The following MNAT1 variants were observed in gnomAD, a reference collection of about 807,000 sequenced individuals.
MNAT1 encodes the protein MNAT1 component of CDK activating kinase, also known as CDK-activating kinase assembly factor MAT1.
A neutral mutation model predicts 42.0 loss-of-function variants in MNAT1; 43 were observed. The observed-to-expected ratio is 1.02, with a 90% confidence interval of 0.80 to 1.32. The LOEUF is 1.32. Ranked by LOEUF, MNAT1 falls within the 40% of genes most tolerant of loss-of-function variation. The probability of loss-of-function intolerance (pLI) is 0.00; values close to 1 mark genes in which losing one functional copy is unlikely to be tolerated. For missense variants in MNAT1, 306 were observed against 350.4 expected (o/e 0.87, Z 1.01); for synonymous variants, 118 against 120.0 (o/e 0.98, Z 0.11).
intron 1 of MNAT1, among the ~76,000 whole-genome samples, chr14:60,756,604 A>G (rs1015222611): frequency 5.3e-5 from 8 of 152,326 alleles, no homozygotes; most frequent in Non-Finnish European, 1.2e-4. Context: ...ACTTCTGCCA[A>G]CTGGAAATCA....
chr14:60,963,878 T>C (rs1372567888), intron 7 of MNAT1, among the ~76,000 whole-genome samples: 1 of 152,220 alleles, frequency 6.6e-6, no homozygotes, highest in Non-Finnish European at 1.5e-5. Flanking sequence ...CAAGCCAGTG[T>C]GCTTTAAGGA....
At chr14:60,766,726 T>G (rs1055049387) in intron 1 of MNAT1, among the ~76,000 whole-genome samples, 3 of 152,188 alleles carry the variant, frequency 2.0e-5, no homozygotes, top group African/African-American at 7.2e-5. Context: ...ACAAAAATCT[T>G]TTTGAGAAAC....
chr14:60,901,013 C>CAAAAAAAA (rs56345746), intron 7 of MNAT1, among the ~76,000 whole-genome samples: 1 of 36,558 alleles, frequency 2.7e-5, no homozygotes, highest in African/African-American at 1.2e-4. Flanking sequence ...GAGCCTGTCT[C>CAAAAAAAA]AAAAAAAAAA....
chr14:60,859,621 CACT>C (rs1462543144), intron 6 of MNAT1, among the ~76,000 whole-genome samples: 1 of 152,126 alleles, frequency 6.6e-6, no homozygotes, highest in African/African-American at 2.4e-5. Flanking sequence ...TCTTTAAACG[CACT>C]ACTGTTTTTT....
chr14:60,791,889 T>G (rs536682362), intron 1 of MNAT1, among the ~76,000 whole-genome samples: 83 of 152,288 alleles, frequency 5.5e-4, no homozygotes, highest in African/African-American at 1.7e-3. Flanking sequence ...AATTCCAGTT[T>G]AATTCCCACT....
At chr14:60,845,954 A>G (rs1005346731) in intron 6 of MNAT1, among the ~76,000 whole-genome samples, 2 of 151,874 alleles carry the variant, frequency 1.3e-5, no homozygotes, top group Non-Finnish European at 2.9e-5. Context: ...CATTGGTATT[A>G]TTTTTTCTTG....
At chr14:60,942,298 A>G (rs1181158201) in intron 7 of MNAT1, among the ~76,000 whole-genome samples, 1 of 152,160 alleles carries the variant, frequency 6.6e-6, no homozygotes, top group Non-Finnish European at 1.5e-5. Context: ...AAAACTTGTC[A>G]TTCTGGACTT....
intron 6 of MNAT1, among the ~76,000 whole-genome samples, chr14:60,845,511 C>T (rs534914741): frequency 1.3e-5 from 2 of 151,800 alleles, no homozygotes; most frequent in African/African-American, 4.8e-5. Context: ...GTCACTGAAC[C>T]GGTTTTTTCT....
At chr14:60,936,153 C>T (rs956446615) in intron 7 of MNAT1, among the ~76,000 whole-genome samples, 2 of 152,142 alleles carry the variant, frequency 1.3e-5, no homozygotes, top group Non-Finnish European at 2.9e-5. Flanking sequence ...CAGGTTCCCT[C>T]ATCTGCACGA....
chr14:60,738,492 G>T (rs1398450569), intron 1 of MNAT1, among the ~76,000 whole-genome samples: 13 of 152,048 alleles, frequency 8.5e-5, no homozygotes, highest in Admixed American at 8.5e-4. Flanking sequence ...CTGACTTCGT[G>T]ATCCAGCCGC....
At chr14:60,777,638 C>T (rs1199183429) in intron 1 of MNAT1, among the ~76,000 whole-genome samples, 3 of 151,992 alleles carry the variant, frequency 2.0e-5, no homozygotes. Flanking sequence ...TTAGTCCCCC[C>T]ATTCTCATTC....
At chr14:60,821,089 C>T (rs561480073) in intron 6 of MNAT1, among the ~76,000 whole-genome samples, 26 of 152,238 alleles carry the variant, frequency 1.7e-4, no homozygotes, top group Non-Finnish European at 2.8e-4. Flanking sequence ...TCACACTGAC[C>T]GTTTGACTAT....
chr14:60,737,273 T>G (rs1896332492), intron 1 of MNAT1, among the ~76,000 whole-genome samples: 1 of 152,108 alleles, frequency 6.6e-6, no homozygotes, highest in Non-Finnish European at 1.5e-5. Flanking sequence ...AGGTGACAAC[T>G]TTTAGGTTGT....
At chr14:60,839,919 G>T (rs563113773) in intron 6 of MNAT1, among the ~76,000 whole-genome samples, 1 of 152,342 alleles carries the variant, frequency 6.6e-6, no homozygotes, top group South Asian at 2.1e-4. Context: ...GCAGGTGTGG[G>T]ATCTGGGCTG....
At chr14:60,949,504 G>A (rs1424842051) in intron 7 of MNAT1, among the ~76,000 whole-genome samples, 1 of 152,140 alleles carries the variant, frequency 6.6e-6, no homozygotes, top group East Asian at 1.9e-4. Flanking sequence ...AAAGTCATAT[G>A]TAACTCATTA....
intron 7 of MNAT1, among the ~76,000 whole-genome samples, chr14:60,891,860 C>A (rs2139487876): frequency 6.6e-6 from 1 of 152,172 alleles, no homozygotes; most frequent in Admixed American, 6.6e-5. Flanking sequence ...TGTTTTTATT[C>A]ATTTCCAACT....
intron 1 of MNAT1, among the ~76,000 whole-genome samples, chr14:60,741,700 G>T (rs1450410676): frequency 8.0e-6 from 1 of 124,308 alleles, no homozygotes; most frequent in African/African-American, 3.0e-5. Flanking sequence ...TAGAGATGGG[G>T]TCTTGCTATG....
At position 60,826,967 on chromosome 14, in the gene MNAT1, C is replaced by T. The variant is rs542584035; in HGVS notation, c.687+8120C>T. Among the ~76,000 whole-genome samples the T allele has an allele frequency of 1.4e-4, 21 of 152,022 alleles. 1 individual carries two copies. Among genetic ancestry groups the T allele is most frequent in the African/African-American group, 4.6e-4 (19 of 41,460 alleles). ...TTAGTCTTTTGGGAACAAGCGAAGG[C>T]ACATTGGTCATCTCATAAATTAGGA... On this transcript the variant is annotated intron_variant, in intron 6 of 7. Coordinates refer to ENST00000261245, the MANE Select transcript of MNAT1 (RefSeq NM_002431.4).
At chr14:60,864,783 T>C (rs1023865387) in intron 6 of MNAT1, among the ~76,000 whole-genome samples, 2 of 151,916 alleles carry the variant, frequency 1.3e-5, no homozygotes, top group African/African-American at 4.8e-5. Flanking sequence ...ATAGCGGTGG[T>C]GGTGGTGTTT....
Sources: gnomAD v4.1 joint callset for allele counts (sites outside exome capture counted in the v4.1 genomes callset) on GRCh38, gnomAD v4.1.1 for gene constraint, MANE v1.5 for transcripts, NCBI Gene and HGNC (gene_info 2026-07-23, HGNC 2026-07-21) for gene names.